PRKD1: variants seen among roughly 807,000 people sequenced by gnomAD.
PRKD1 encodes serine/threonine-protein kinase D1.
Under a neutral mutation model 95.9 loss-of-function variants are expected in PRKD1, and 63 were observed. That is an observed-to-expected ratio of 0.66 (90% confidence interval 0.54 to 0.81). The LOEUF (loss-of-function observed/expected upper bound fraction) is 0.81, where lower values mean the gene tolerates loss of function less well. Ranked by LOEUF, PRKD1 falls within the 30% of genes least tolerant of loss-of-function variation. PRKD1 has a pLI of 0.00. For synonymous variants in PRKD1, 425 were observed against 423.1 expected (o/e 1.00, Z -0.05); for missense variants, 1,048 against 1,165.3 (o/e 0.90, Z 1.47).
Position 29,638,534 on chromosome 14 carries a change from G to T in PRKD1, c.940C>A (p.Pro314Thr). ...CRFNCHKRCAPKVPNNCLGEV... is the reference protein window; with the variant it reads ...CRFNCHKRCATKVPNNCLGEV... ...CCAAGGCAGTTGTTTGGTACTTTCG[G>T]TGCACAACGTTTATGGCAGTTGAAT... Residue 314 changes from proline to threonine, a missense_variant, in exon 6 of 18, where the codon CCG (proline) becomes ACG (threonine). By Grantham distance (38) the Pro-to-Thr change is conservative (BLOSUM62 -1). Around this residue, in one of 3 missense-constraint regions of PRKD1, gnomAD observed 739 missense variants for 861.9 expected, o/e 0.86. Transcript: ENST00000331968. 1 of 1,614,204 alleles carries T rather than the reference G, an allele frequency of 6.2e-7. No individual in the cohort carries two copies. Among genetic ancestry groups the T allele is most frequent in the South Asian group, 1.1e-5 (1 of 91,086 alleles).
At chr14:29,617,178 A>G (rs1280044950) in intron 13 of PRKD1, among the ~76,000 whole-genome samples, 1 of 152,090 alleles carries the variant, frequency 6.6e-6, no homozygotes, top group Non-Finnish European at 1.5e-5. Flanking sequence ...TATGTACCAC[A>G]TGTTCTTTAT....
In PRKD1 at chr14:29,632,945, C is replaced by T. The variant is rs1439477100; in HGVS notation, c.1316G>A (p.Arg439Gln). ...MVHYTSKDTL[R>Q]KRHYWRLDSK... Reference sequence around the variant, plus strand: ...ATCCAATCTCCAATAGTGCCGTTTCCGCTGAAACAGAAGTTAGATCCAAGA... The same window carrying T: ...ATCCAATCTCCAATAGTGCCGTTTCTGCTGAAACAGAAGTTAGATCCAAGA... The change falls in exon 9 of 18, where the codon CGG (arginine) becomes CAG (glutamine). Residue 439 changes from arginine (R) to glutamine (Q), a missense_variant and splice_region_variant. Transcript: ENST00000331968. The T allele has an allele frequency of 1.9e-6, 3 of 1,612,056 alleles. No individual in the cohort carries two copies. The highest frequency in any genetic ancestry group is 1.7e-6 in the Non-Finnish European group (2 of 1,178,278).
chr14:29,791,081 C>T (rs1451745061), intron 1 of PRKD1, among the ~76,000 whole-genome samples: 2 of 152,128 alleles, frequency 1.3e-5, no homozygotes, highest in African/African-American at 4.8e-5. Flanking sequence ...TCAACAAATA[C>T]ATACACAAAA....
intron 1 of PRKD1, among the ~76,000 whole-genome samples, chr14:29,905,891 ACT>A (rs1361978385): frequency 6.6e-6 from 1 of 152,190 alleles, no homozygotes; most frequent in Non-Finnish European, 1.5e-5. Context: ...GGGGCTTATA[ACT>A]CTCGAGAAAG....
At chr14:29,712,284 C>T (rs1418235731) in intron 2 of PRKD1, among the ~76,000 whole-genome samples, 3 of 152,032 alleles carry the variant, frequency 2.0e-5, no homozygotes, top group Non-Finnish European at 4.4e-5. Flanking sequence ...AGGGGACTAA[C>T]TAACTGCTTG....
intron 4 of PRKD1, among the ~76,000 whole-genome samples, chr14:29,642,853 T>C (rs1456974486): frequency 6.6e-6 from 1 of 152,078 alleles, no homozygotes; most frequent in African/African-American, 2.4e-5. Context: ...ATTTTCACTC[T>C]TAGTCTCTAT....
intron 1 of PRKD1, among the ~76,000 whole-genome samples, chr14:29,894,028 C>T (rs756238953): frequency 1.3e-5 from 2 of 152,174 alleles, no homozygotes; most frequent in Non-Finnish European, 2.9e-5. Flanking sequence ...AATATTTATA[C>T]ATAGTCACAC....
At chr14:29,707,933 T>C (rs1885167122) in intron 2 of PRKD1, among the ~76,000 whole-genome samples, 1 of 152,134 alleles carries the variant, frequency 6.6e-6, no homozygotes, top group African/African-American at 2.4e-5. Context: ...CTCAAAAATA[T>C]CTGGCTAATG....
intron 1 of PRKD1, among the ~76,000 whole-genome samples, chr14:29,892,102 T>A (rs1893956925): frequency 6.6e-6 from 1 of 152,226 alleles, no homozygotes; most frequent in African/African-American, 2.4e-5. Context: ...GGATTTTTTA[T>A]CACATACTTC....
chr14:29,794,687 C>G (rs568074936), intron 1 of PRKD1, among the ~76,000 whole-genome samples: 1 of 152,130 alleles, frequency 6.6e-6, no homozygotes, highest in Non-Finnish European at 1.5e-5. Context: ...TCCCTTCCCT[C>G]CCCTCTTATA....
intron 4 of PRKD1, among the ~76,000 whole-genome samples, chr14:29,639,919 T>C (rs1880650861): frequency 6.6e-6 from 1 of 152,182 alleles, no homozygotes; most frequent in Admixed American, 6.5e-5. Context: ...AAATTAACCA[T>C]GTTTTCTATG....
chr14:29,828,782 T>A (rs1348701004), intron 1 of PRKD1, among the ~76,000 whole-genome samples: 1 of 152,168 alleles, frequency 6.6e-6, no homozygotes, highest in Non-Finnish European at 1.5e-5. Flanking sequence ...ACCACCTGTA[T>A]AAGATTTTTA....
chr14:29,607,410 T>C (rs146951331), intron 13 of PRKD1, among the ~76,000 whole-genome samples: 12 of 152,336 alleles, frequency 7.9e-5, no homozygotes, highest in African/African-American at 2.2e-4. Flanking sequence ...CTGGGTTTCA[T>C]AGACAGAAAT....
chr14:29,766,205 T>C (rs932767668), intron 1 of PRKD1, among the ~76,000 whole-genome samples: 1 of 152,138 alleles, frequency 6.6e-6, no homozygotes, highest in East Asian at 1.9e-4. Context: ...TCTTTTCCCT[T>C]GAGTACACAA....
intron 16 of PRKD1, among the ~76,000 whole-genome samples, chr14:29,587,042 A>G (rs1892959028): frequency 6.6e-6 from 1 of 152,186 alleles, no homozygotes; most frequent in Non-Finnish European, 1.5e-5. Flanking sequence ...GAGGGTGAAG[A>G]AAAAACTGAC....
chr14:29,649,965 G>A (rs530267315), intron 4 of PRKD1, among the ~76,000 whole-genome samples: 5 of 152,156 alleles, frequency 3.3e-5, no homozygotes, highest in South Asian at 4.1e-4. Flanking sequence ...CACTCCTCAC[G>A]TTGCTTCCTT....
At chr14:29,692,210 AT>A (rs71108493) in intron 2 of PRKD1, among the ~76,000 whole-genome samples, 9,314 of 148,356 alleles carry the variant, frequency 0.063, 703 homozygotes, top group African/African-American at 0.18. Context: ...CTTCCTGTTC[AT>A]TTTTTTTTTT....
intron 13 of PRKD1, among the ~76,000 whole-genome samples, chr14:29,607,342 G>A (rs1045053792): frequency 2.0e-5 from 3 of 152,140 alleles, no homozygotes; most frequent in African/African-American, 4.8e-5. Context: ...AACAACAAAT[G>A]TATTATCTCA....
chr14:29,803,224 G>A (rs1417539834), intron 1 of PRKD1, among the ~76,000 whole-genome samples: 3 of 152,178 alleles, frequency 2.0e-5, no homozygotes, highest in Non-Finnish European at 4.4e-5. Flanking sequence ...GAAAAACAGA[G>A]CTAAGGTCCA....
Sources: allele counts gnomAD v4.1 joint callset (sites outside exome capture counted in the v4.1 genomes callset), GRCh38; gene constraint gnomAD v4.1.1; regional missense constraint gnomAD v4.1.1; transcripts MANE v1.5; gene names NCBI Gene and HGNC (gene_info 2026-07-23, HGNC 2026-07-21).